The following TGFB2 variants were observed in gnomAD, a reference collection of about 807,000 sequenced individuals.
TGFB2 encodes the protein transforming growth factor beta-2 proprotein.
TGFB2 carries 13 observed loss-of-function variants against 42.7 expected under a neutral mutation model. The ratio of observed to expected loss-of-function variants is 0.30; its 90% CI spans 0.20 to 0.48. The LOEUF is 0.48. Among genes scored for constraint, TGFB2 ranks in the 20% least tolerant of loss-of-function variants. The pLI is 0.99. For missense variants in TGFB2, 390 were observed against 517.5 expected (o/e 0.75, Z 2.39); for synonymous variants, 193 against 193.6 (o/e 1.00, Z 0.03).
chr1:218,411,163 T>C (rs1229462411), intron 2 of TGFB2, among the ~76,000 whole-genome samples: 1 of 152,222 alleles, frequency 6.6e-6, no homozygotes, highest in African/African-American at 2.4e-5. Context: ...TTTAAAACCT[T>C]ACCACCTCCA....
In TGFB2 at chr1:218,394,062, A is replaced by G. The variant is rs182886026; in HGVS notation, c.347-11107A>G. Among the ~76,000 whole-genome samples the G allele has an allele frequency of 1.5e-3, 223 of 152,152 alleles. 1 individual carries two copies. Among genetic ancestry groups the G allele is most frequent in the Middle Eastern group, 3.4e-3 (1 of 294 alleles). ...GCTGGGATTACAGGTGCCCACCACCATGCCTGGCTAATTTTTTTTTGTATT... is the reference window on the plus strand; with the variant it reads ...GCTGGGATTACAGGTGCCCACCACCGTGCCTGGCTAATTTTTTTTTGTATT... On this transcript the variant is annotated intron_variant, in intron 1 of 6. Coordinates refer to ENST00000366930, the MANE Select transcript of TGFB2 (RefSeq NM_003238.6).
At chr1:218,386,171 G>C (rs1658131119) in intron 1 of TGFB2, among the ~76,000 whole-genome samples, 1 of 152,168 alleles carries the variant, frequency 6.6e-6, no homozygotes, top group Non-Finnish European at 1.5e-5. Context: ...CGGGACAGTG[G>C]AAAGAGTGTG....
intron 1 of TGFB2, among the ~76,000 whole-genome samples, chr1:218,359,376 G>C (rs1657139189): frequency 6.6e-6 from 1 of 152,200 alleles, no homozygotes; most frequent in Admixed American, 6.5e-5. Flanking sequence ...TAAAATCACT[G>C]ATCGGATCTC....
At chr1:218,394,161 G>T (rs1041274939) in intron 1 of TGFB2, among the ~76,000 whole-genome samples, 14 of 151,966 alleles carry the variant, frequency 9.2e-5, no homozygotes, top group Admixed American at 7.9e-4. Context: ...CGCCCGCCTC[G>T]GCCTCCCAAA....
chr1:218,438,178 A>G (rs907308383), intron 6 of TGFB2, among the ~76,000 whole-genome samples: 1 of 152,126 alleles, frequency 6.6e-6, no homozygotes, highest in Non-Finnish European at 1.5e-5. Context: ...CTCTGCCTCC[A>G]TAAGTTTTAT....
chr1:218,441,143 A>G (rs1571907487), intron 6 of TGFB2, 61 bp from the exon 7 acceptor site: 1 of 1,512,762 alleles, frequency 6.6e-7, no homozygotes, highest in Non-Finnish European at 8.9e-7. Flanking sequence ...CTTTTTAAAA[A>G]CGAATTGCGT....
rs781392453 is a variant in TGFB2 at position 218,346,952 on chromosome 1, G to A, written c.251G>A (p.Arg84Gln). 16 of 1,613,978 alleles carry A rather than the reference G, an allele frequency of 9.9e-6. No individual in the cohort carries two copies. Among genetic ancestry groups the A allele is most frequent in the Middle Eastern group, 1.7e-4 (1 of 6,060 alleles). Residue 84 changes from arginine to glutamine, a missense_variant, in exon 1 of 7, where the codon CGG becomes CAG. Transcript: ENST00000366930. This position sits in a 1 kb window ranked among gnomAD's most constrained non-coding sequence, Gnocchi z 4.9. ...TRDLLQEKAS[R>Q]RAAACERERS... ...GACTTGCTCCAGGAGAAGGCGAGCC[G>A]GAGGGCGGCCGCCTGCGAGCGCGAG... is the stretch of plus-strand genomic sequence containing the variant.
chr1:218,373,362 G>A (rs1657633134), intron 1 of TGFB2, among the ~76,000 whole-genome samples: 1 of 151,816 alleles, frequency 6.6e-6, no homozygotes, highest in South Asian at 2.1e-4. Flanking sequence ...TGGGGCAGTG[G>A]ATCCTGTCTT....
rs75221677 is a variant in TGFB2, at chr1:218,375,800, T to C, written c.346+28753T>C. ...GGAGGAGGGAGAGCATCAGGAGGAA[T>C]AGCTAATGGATGCTGGCCTTAATAC... On this transcript the variant is annotated intron_variant, in intron 1 of 6. Coordinates refer to ENST00000366930, the MANE Select transcript of TGFB2 (RefSeq NM_003238.6). Among the ~76,000 whole-genome samples, 379 of 152,280 alleles carry C rather than the reference T, an allele frequency of 2.5e-3. 12 individuals are homozygous for C. In the East Asian group the frequency reaches 0.055, roughly 22 times the overall value.
At chr1:218,399,087 C>T (rs1431945319) in intron 1 of TGFB2, among the ~76,000 whole-genome samples, 2 of 152,108 alleles carry the variant, frequency 1.3e-5, no homozygotes, top group Non-Finnish European at 1.5e-5. Flanking sequence ...TCTTGTCTTG[C>T]TTTGTTGCCC....
At position 218,381,258 on chromosome 1, in the gene TGFB2, GT is replaced by G. The variant is rs11405199; in HGVS notation, c.347-23896del. Among the ~76,000 whole-genome samples, 402 of 137,702 alleles carry G rather than the reference GT, an allele frequency of 2.9e-3. 4 individuals carry two copies. The highest frequency in any genetic ancestry group is 8.8e-3 in the African/African-American group (328 of 37,222). 90.3% of individuals were successfully genotyped at this position (137,702 alleles called of 152,430 possible). On this transcript the variant is annotated intron_variant, in intron 1 of 6. Coordinates refer to ENST00000366930, the MANE Select transcript of TGFB2 (RefSeq NM_003238.6). ...AAGGCACATTTTTGTTTTTGTTTTT[GT>G]TTTTTTTTTTTTTTGAGACAGAGTC...
intron 2 of TGFB2, among the ~76,000 whole-genome samples, chr1:218,410,306 C>T (rs190398293): frequency 5.9e-5 from 9 of 152,112 alleles, no homozygotes; most frequent in Admixed American, 2.0e-4. Context: ...TCCAGAGCTG[C>T]GAAGGTCTAT....
intron 2 of TGFB2, among the ~76,000 whole-genome samples, chr1:218,429,857 G>A (rs1455577307): frequency 6.6e-6 from 1 of 152,088 alleles, no homozygotes; most frequent in African/African-American, 2.4e-5. Flanking sequence ...AGCAGGTTTA[G>A]AAATGTATAT....
chr1:218,433,492 TA>T (rs1316814916), intron 2 of TGFB2, among the ~76,000 whole-genome samples: 1 of 152,248 alleles, frequency 6.6e-6, no homozygotes, highest in African/African-American at 2.4e-5. Flanking sequence ...AATACCTTTA[TA>T]AATCATAACA....
chr1:218,377,513 A>G (rs145309640), intron 1 of TGFB2, among the ~76,000 whole-genome samples: 44 of 152,316 alleles, frequency 2.9e-4, no homozygotes, highest in African/African-American at 1.0e-3. Context: ...CCACAAGGGC[A>G]TCCCTCCCCA....
intron 2 of TGFB2, among the ~76,000 whole-genome samples, chr1:218,412,048 TGTAAA>T (rs1659119023): frequency 6.6e-6 from 1 of 152,042 alleles, no homozygotes; most frequent in Non-Finnish European, 1.5e-5. Flanking sequence ...TAACCCACTG[TGTAAA>T]GTAAAGTAAT....
intron 1 of TGFB2, among the ~76,000 whole-genome samples, chr1:218,355,050 G>A (rs1656989069): frequency 6.6e-6 from 1 of 152,146 alleles, no homozygotes; most frequent in African/African-American, 2.4e-5. Context: ...TTACAAGCAT[G>A]TGCCACCACG....
In TGFB2 at chr1:218,436,028, G is replaced by GA. The variant is rs863223796; in HGVS notation, c.821dup (p.Asn274LysfsTer19). 1 of 1,613,430 alleles carries GA rather than the reference G, an allele frequency of 6.2e-7. No individual in the cohort carries two copies. The highest frequency in any genetic ancestry group is 8.5e-7 in the Non-Finnish European group (1 of 1,179,758). ...ATCAGAAAACTATAAAGTCCACTAGGAAAAAAAACAGTGGGAAGACCCCAC... is the reference window on the plus strand; with the variant it reads ...ATCAGAAAACTATAAAGTCCACTAGGAAAAAAAAACAGTGGGAAGACCCCAC... On this transcript the variant is annotated frameshift_variant, in exon 5 of 7. Transcript: ENST00000366930. LOFTEE classifies it high-confidence loss of function.
In TGFB2 at chr1:218,442,661, A is replaced by G. The variant is rs1396212776; in HGVS notation, c.*1299A>G. On this transcript the variant is annotated 3_prime_UTR_variant, in exon 7 of 7. Coordinates refer to ENST00000366930, the MANE Select transcript of TGFB2 (RefSeq NM_003238.6). ...ATTATGACATAAGCTACCTGGGTCC[A>G]CTTGTCTTTTCTTTTTTTTGTTTCA... is the stretch of plus-strand genomic sequence containing the variant. 2 of 150,384 alleles carry G rather than the reference A, an allele frequency of 1.3e-5. No homozygotes were observed. Among genetic ancestry groups the G allele is most frequent in the African/African-American group, 4.9e-5 (2 of 40,946 alleles). The allele number at this position is 150,384 out of a possible 1,614,324, so 9.3% of individuals were successfully genotyped here.
Sources: gnomAD v4.1 joint callset for allele counts (sites outside exome capture counted in the v4.1 genomes callset) on GRCh38, gnomAD v4.1.1 for gene constraint, Gnocchi (gnomAD v3.1) non-coding constraint, MANE v1.5 for transcripts, NCBI Gene and HGNC (gene_info 2026-07-23, HGNC 2026-07-21) for gene names.